Variants in SAMD7 observed in about 807,000 individuals in gnomAD.
SAMD7 encodes sterile alpha motif domain containing 7.
Under a neutral mutation model 36.7 loss-of-function variants are expected in SAMD7, and 34 were observed. The ratio of observed to expected loss-of-function variants is 0.93; its 90% CI spans 0.71 to 1.23. The LOEUF (loss-of-function observed/expected upper bound fraction) is 1.23. SAMD7 is among the 50% of genes most tolerant of loss of function. The pLI, the probability that SAMD7 is intolerant of heterozygous loss-of-function variation, is 0.00. For synonymous variants in SAMD7, 188 were observed against 189.7 expected, an observed-to-expected ratio of 0.99 and a Z score of 0.07; for missense variants, 570 against 546.6, an observed-to-expected ratio of 1.04 and a Z score of -0.43.
At chr3:169,925,511 G>T (rs1176299132) in intron 5 of SAMD7, among the ~76,000 whole-genome samples, 1 of 149,554 alleles carries the variant, frequency 6.7e-6, no homozygotes, top group Non-Finnish European at 1.5e-5. Flanking sequence ...TGGATCATGA[G>T]GTCAGGAGTT....
At chr3:169,919,638 C>G in intron 3 of SAMD7, 54 bp downstream of exon 3, 1 of 1,334,656 alleles carries the variant, frequency 7.5e-7, no homozygotes, top group Non-Finnish European at 1.1e-6. Context: ...ACAATCATTA[C>G]GTTTTGGAAT....
At chr3:169,919,840 G>T (rs1285181066) in intron 3 of SAMD7, among the ~76,000 whole-genome samples, 1 of 152,180 alleles carries the variant, frequency 6.6e-6, no homozygotes, top group African/African-American at 2.4e-5. Context: ...TTGTGCAGGT[G>T]CAAACACTGG....
Position 169,927,002 on chromosome 3 carries a change from C to T in SAMD7, c.740C>T (p.Ala247Val). The T allele has an allele frequency of 6.2e-7, 1 of 1,613,920 alleles. No homozygotes were observed. The highest frequency in any genetic ancestry group is 1.1e-5 in the South Asian group (1 of 91,078). Residue 247 changes from alanine (A) to valine (V), a missense_variant, in exon 6 of 9, where the codon GCT (alanine) becomes GTT (valine). Transcript: ENST00000335556. ...GAAACGAATGAAAAGCCAACGACAG[C>T]TCTTGCCAACACCTGTGGAGAGCTC... The part of the protein sequence containing the change: ...SSETNEKPTT[A>V]LANTCGELEP...
In SAMD7 at chr3:169,938,535, G is replaced by T. The variant is rs148299020; in HGVS notation, c.*29G>T. 4.1e-4 allele frequency: 598 copies of T among 1,456,034 alleles called. 4 individuals are homozygous for T. The African/African-American group carries it at 7.4e-3, about 18-fold the overall frequency. 90.2% of individuals were successfully genotyped at this position (1,456,034 alleles called of 1,614,324 possible). ...CCCTCAAGGAGGAAGAATAGTCTTA[G>T]CCAGTTTTCCAAAGAGCCTAGGATA... On this transcript the variant is annotated 3_prime_UTR_variant, in exon 9 of 9. Transcript: ENST00000335556.
chr3:169,921,248 C>T lies in SAMD7; in HGVS notation c.121C>T (p.Pro41Ser). The T allele has an allele frequency of 6.2e-7, 1 of 1,613,652 alleles. No homozygotes were observed. The highest frequency in any genetic ancestry group is 8.5e-7 in the Non-Finnish European group (1 of 1,179,616). The stretch of plus-strand genomic sequence containing the variant: ...GCCTTCCACCGTAGCTCCAACTGAC[C>T]CAAGACAGTTTTGCGTTCCTTCCCA... ...VLPSTVAPTD[P>S]RQFCVPSQFG... Residue 41 changes from proline (P) to serine (S), a missense_variant, in exon 4 of 9, where the codon CCA becomes TCA. Pro to Ser is a moderately conservative substitution (Grantham distance 74). Transcript: ENST00000335556.
At chr3:169,927,227 G>A in intron 6 of SAMD7, 46 bp downstream of exon 6, 1 of 1,455,954 alleles carries the variant, frequency 6.9e-7, no homozygotes. Flanking sequence ...ACTACAGGTT[G>A]CCAAGTCCGT....
intron 2 of SAMD7, among the ~76,000 whole-genome samples, chr3:169,916,563 G>A (rs944683446): frequency 1.3e-5 from 2 of 152,238 alleles, no homozygotes; most frequent in African/African-American, 2.4e-5. Context: ...CAGAAGAATT[G>A]CTTGAACCCG....
intron 7 of SAMD7, 144 bp downstream of exon 7, chr3:169,928,722 C>T: frequency 1.2e-6 from 1 of 842,728 alleles, no homozygotes; most frequent in Middle Eastern, 3.0e-4. Flanking sequence ...TACCCTGGGA[C>T]AGGTCTCTGA....
At chr3:169,925,206 A>ATTTGT in intron 5 of SAMD7, 70 bp downstream of exon 5, 2 of 960,720 alleles carry the variant, frequency 2.1e-6, no homozygotes, top group Non-Finnish European at 3.3e-6. Context: ...TGTTATCTTC[A>ATTTGT]TATAACAAAT....
At chr3:169,924,751 G>A (rs572454265) in intron 4 of SAMD7, among the ~76,000 whole-genome samples, 44 of 152,144 alleles carry the variant, frequency 2.9e-4, no homozygotes, top group African/African-American at 1.0e-3. Flanking sequence ...GACCAAAAAA[G>A]GCACAGATCA....
intron 7 of SAMD7, chr3:169,932,916 T>C (rs1207088166): frequency 7.7e-6 from 5 of 647,392 alleles, no homozygotes; most frequent in Middle Eastern, 5.5e-4. Flanking sequence ...GGCGCCAGTA[T>C]GCTCATCCTT....
intron 1 of SAMD7, among the ~76,000 whole-genome samples, chr3:169,912,276 T>C (rs1319525211): frequency 6.6e-6 from 1 of 152,172 alleles, no homozygotes; most frequent in Non-Finnish European, 1.5e-5. Context: ...GTATGAACCA[T>C]GAAATGTCAG....
chr3:169,928,559 G>A lies in SAMD7; in HGVS notation c.1022G>A (p.Gly341Asp). Residue 341 changes from glycine (G) to aspartate (D), a missense_variant, in exon 7 of 9, where the codon GGT becomes GAT. Physicochemically the swap from Gly to Asp is moderately conservative, Grantham distance 94. Transcript: ENST00000335556. ...CACAGCTTCATTCGCAGCCTTCCAG[G>A]TTGTTCAGACTATGCTCAGGTGACT... The part of the protein sequence containing the change: ...DVHSFIRSLP[G>D]CSDYAQVFKD... 8 of 1,614,006 alleles carry A rather than the reference G, an allele frequency of 5.0e-6. No homozygotes were observed. The highest frequency in any genetic ancestry group is 6.8e-6 in the Non-Finnish European group (8 of 1,179,912).
chr3:169,935,084 A>G (rs1331950829), intron 7 of SAMD7, among the ~76,000 whole-genome samples: 2 of 152,246 alleles, frequency 1.3e-5, no homozygotes, highest in Non-Finnish European at 2.9e-5. Flanking sequence ...TGGTCGGGGC[A>G]GAGCTCAGAT....
intron 7 of SAMD7, chr3:169,932,627 G>T: frequency 1.9e-6 from 1 of 535,388 alleles, no homozygotes; most frequent in Non-Finnish European, 3.7e-6. Flanking sequence ...CCGAGAAACA[G>T]AATCAGCTTG....
chr3:169,924,406 G>A (rs1360803018), intron 4 of SAMD7, among the ~76,000 whole-genome samples: 13 of 151,974 alleles, frequency 8.6e-5, no homozygotes, highest in Admixed American at 7.2e-4. Context: ...GGCCAACATG[G>A]TGAAACCCCA....
intron 4 of SAMD7, 147 bp from the exon 5 acceptor site, chr3:169,924,911 C>A: frequency 1.7e-6 from 1 of 571,512 alleles, no homozygotes; most frequent in South Asian, 2.5e-5. Flanking sequence ...CTGCAATGAT[C>A]TGATACCATT....
At chr3:169,936,941 A>G (rs757361861) in intron 8 of SAMD7, among the ~76,000 whole-genome samples, 7 of 152,204 alleles carry the variant, frequency 4.6e-5, no homozygotes, top group Admixed American at 6.5e-5. Context: ...ACAATCTCAA[A>G]TATAATAGGT....
At chr3:169,916,410 CTGAGGTGGGTGGAT>C (rs1712802401) in intron 2 of SAMD7, among the ~76,000 whole-genome samples, 1 of 152,154 alleles carries the variant, frequency 6.6e-6, no homozygotes, top group Admixed American at 6.5e-5. Context: ...CTATGGGAGG[CTGAGGTGGGTGGAT>C]CACTTGAGGT....
Sources: allele counts gnomAD v4.1 joint callset (sites outside exome capture counted in the v4.1 genomes callset), GRCh38; gene constraint gnomAD v4.1.1; transcripts MANE v1.5; gene names NCBI Gene and HGNC (gene_info 2026-07-23, HGNC 2026-07-21).